The following WDR88 variants were observed in gnomAD, a reference collection of about 807,000 sequenced individuals.
The protein encoded by WDR88 is WD repeat domain 88, also known as WD repeat-containing protein 88.
WDR88 carries 40 observed loss-of-function variants against 46.8 expected under a neutral mutation model. The ratio of observed to expected loss-of-function variants is 0.86; its 90% CI spans 0.66 to 1.11. The LOEUF is 1.11. Ranked by LOEUF, WDR88 falls within the 50% of genes most tolerant of loss-of-function variation. The pLI is 0.00. For missense variants in WDR88, 562 were observed against 602.4 expected (o/e 0.93, Z 0.70); for synonymous variants, 235 against 240.7 (o/e 0.98, Z 0.22).
At chr19:33,141,142 G>A (rs545140355) in intron 2 of WDR88, among the ~76,000 whole-genome samples, 1 of 151,058 alleles carries the variant, frequency 6.6e-6, no homozygotes, top group South Asian at 2.1e-4. Flanking sequence ...TCACTACATT[G>A]CCCAGGCTGG....
rs905877604 is a variant in WDR88, at chr19:33,165,159, A to G, written c.1149+894A>G. Among the ~76,000 whole-genome samples, 5 of 152,134 alleles carry G rather than the reference A, an allele frequency of 3.3e-5. No homozygotes were observed. In the South Asian group the frequency reaches 8.3e-4, roughly 25 times the overall value. On this transcript the variant is annotated intron_variant, in intron 9 of 10. Coordinates refer to ENST00000355868, the MANE Select transcript of WDR88 (RefSeq NM_173479.4). ...CTAGTGACAGGGAGCAGCTATATAT[A>G]CAGATGAAGCTTCACCCCTGCTCAC...
chr19:33,174,479 G>A, intron 10 of WDR88: 6 of 985,436 alleles, frequency 6.1e-6, no homozygotes, highest in Non-Finnish European at 7.2e-6. Context: ...TCATCCCATG[G>A]CACTCTTGCT....
At chr19:33,158,355 T>G (rs1158310192) in intron 7 of WDR88, among the ~76,000 whole-genome samples, 1 of 151,866 alleles carries the variant, frequency 6.6e-6, no homozygotes, top group East Asian at 1.9e-4. Context: ...CAGAATCACA[T>G]GCAGTTGAGC....
intron 9 of WDR88, among the ~76,000 whole-genome samples, chr19:33,168,744 G>A (rs1012721267): frequency 6.6e-6 from 1 of 152,130 alleles, no homozygotes; most frequent in Non-Finnish European, 1.5e-5. Context: ...ATTTTCATAT[G>A]AAATTGCAAG....
Position 33,144,843 on chromosome 19 carries a change from G to C in WDR88, c.388-1G>C. The C allele has an allele frequency of 6.2e-7, 1 of 1,613,386 alleles. No homozygotes were observed. Among genetic ancestry groups the C allele is most frequent in the Non-Finnish European group, 8.5e-7 (1 of 1,179,750 alleles). Reference sequence around the variant, plus strand: ...TCTCCTCTCTCTCCCGTTGATTTGAGGATCCGGTGGACGGTTCTGTGGTTC... The same window carrying C: ...TCTCCTCTCTCTCCCGTTGATTTGACGATCCGGTGGACGGTTCTGTGGTTC... On this transcript the variant is annotated splice_acceptor_variant, in intron 2 of 10. Coordinates refer to ENST00000355868, the MANE Select transcript of WDR88 (RefSeq NM_173479.4). LOFTEE classifies it high-confidence loss of function.
At chr19:33,170,813 G>A (rs2145424545) in intron 9 of WDR88, among the ~76,000 whole-genome samples, 1 of 152,178 alleles carries the variant, frequency 6.6e-6, no homozygotes, top group East Asian at 1.9e-4. Context: ...AGTGAGCTGA[G>A]GGCATGCCAC....
chr19:33,160,795 G>A (rs554581813), intron 8 of WDR88, among the ~76,000 whole-genome samples: 42 of 152,306 alleles, frequency 2.8e-4, no homozygotes, highest in African/African-American at 9.1e-4. Flanking sequence ...CATAAGTGGG[G>A]ATCTTGAAGA....
chr19:33,166,287 A>C (rs958544333), intron 9 of WDR88, among the ~76,000 whole-genome samples: 2 of 137,358 alleles, frequency 1.5e-5, no homozygotes, highest in Non-Finnish European at 3.2e-5. Flanking sequence ...GGTCTCAAAA[A>C]AAAAAAAAAA....
intron 1 of WDR88, among the ~76,000 whole-genome samples, chr19:33,136,125 G>A (rs1209803964): frequency 1.3e-5 from 2 of 150,274 alleles, no homozygotes; most frequent in Non-Finnish European, 1.5e-5. Flanking sequence ...GCACGACCTC[G>A]GCTCACTGCA....
chr19:33,166,028 G>A (rs567846766), intron 9 of WDR88, among the ~76,000 whole-genome samples: 11 of 152,074 alleles, frequency 7.2e-5, no homozygotes, highest in Non-Finnish European at 1.5e-4. Context: ...GGGAGGTTAA[G>A]GTGGGAGGAT....
chr19:33,167,472 A>G (rs1028297716), intron 9 of WDR88, among the ~76,000 whole-genome samples: 1 of 152,206 alleles, frequency 6.6e-6, no homozygotes, highest in Non-Finnish European at 1.5e-5. Context: ...TCTCAGTGGT[A>G]AAAGACTAAA....
At position 33,164,359 on chromosome 19, in the gene WDR88, C is replaced by T. The variant is rs909348715; in HGVS notation, c.1149+94C>T. On this transcript the variant is annotated intron_variant, in intron 9 of 10. Coordinates refer to ENST00000355868, the MANE Select transcript of WDR88 (RefSeq NM_173479.4). ...CAAGTATAAAATTCCTGGGTGGGTTCGGTGAGCTGTACCTGACCGGGCCAT... is the reference window on the plus strand; with the variant it reads ...CAAGTATAAAATTCCTGGGTGGGTTTGGTGAGCTGTACCTGACCGGGCCAT... 43 of 1,185,824 alleles carry T rather than the reference C, an allele frequency of 3.6e-5. 1 individual carries two copies. The highest frequency in any genetic ancestry group is 4.5e-5 in the African/African-American group (3 of 66,486). 73.5% of individuals were successfully genotyped at this position (1,185,824 alleles called of 1,614,324 possible). A position where few individuals can be genotyped will look rare whatever the true frequency, so the allele number is the denominator to read the frequency against.
At chr19:33,161,707 G>A (rs1419543383) in intron 8 of WDR88, among the ~76,000 whole-genome samples, 1 of 152,166 alleles carries the variant, frequency 6.6e-6, no homozygotes, top group Non-Finnish European at 1.5e-5. Context: ...GCTCATGCCT[G>A]TAATCCCAGC....
At chr19:33,162,303 C>T (rs111534622) in intron 8 of WDR88, among the ~76,000 whole-genome samples, 31,664 of 152,042 alleles carry the variant, frequency 0.21, 4,783 homozygotes, top group African/African-American at 0.4. Context: ...TGGGTTCACA[C>T]CATTCTCCTA....
At chr19:33,161,974 C>A (rs548852142) in intron 8 of WDR88, among the ~76,000 whole-genome samples, 1 of 152,168 alleles carries the variant, frequency 6.6e-6, no homozygotes, top group African/African-American at 2.4e-5. Context: ...TCTCTCTCCT[C>A]TTCTCTCCTC....
At chr19:33,152,946 T>C (rs1973663807) in intron 6 of WDR88, among the ~76,000 whole-genome samples, 1 of 152,236 alleles carries the variant, frequency 6.6e-6, no homozygotes, top group Non-Finnish European at 1.5e-5. Flanking sequence ...GTTTATCTGT[T>C]CATCTGTTGA....
intron 10 of WDR88, chr19:33,174,742 G>A: frequency 1.0e-6 from 1 of 985,392 alleles, no homozygotes; most frequent in Non-Finnish European, 1.2e-6. Flanking sequence ...ACAATGGATG[G>A]GGCGGGACAC....
chr19:33,162,484 AT>A (rs1973885336), intron 8 of WDR88, among the ~76,000 whole-genome samples: 1 of 151,780 alleles, frequency 6.6e-6, no homozygotes, highest in African/African-American at 2.4e-5. Context: ...AAGTGCTGGC[AT>A]TACAGGCATG....
chr19:33,175,762 C>G lies in WDR88; in HGVS notation c.*190C>G. ...TCTCAGCTTGGGGAGTGAACACTTT[C>G]CGTTTTCATGCAGAATAAATCTAAT... On this transcript the variant is annotated 3_prime_UTR_variant, in exon 11 of 11. Coordinates refer to ENST00000355868, the MANE Select transcript of WDR88 (RefSeq NM_173479.4). 1 of 602,084 alleles carries G rather than the reference C, an allele frequency of 1.7e-6. No homozygotes were observed. The highest frequency in any genetic ancestry group is 2.9e-6 in the Non-Finnish European group (1 of 342,382). 37.3% of individuals were successfully genotyped at this position (602,084 alleles called of 1,614,324 possible). A position where few individuals can be genotyped will look rare whatever the true frequency, so the allele number is the denominator to read the frequency against.
Sources: gnomAD v4.1 joint callset for allele counts (sites outside exome capture counted in the v4.1 genomes callset) on GRCh38, gnomAD v4.1.1 for gene constraint, MANE v1.5 for transcripts, NCBI Gene and HGNC (gene_info 2026-07-23, HGNC 2026-07-21) for gene names.